Variants in PLCL1 observed in about 807,000 individuals in gnomAD.
PLCL1 encodes the protein inactive phospholipase C-like protein 1.
PLCL1 carries 41 observed loss-of-function variants against 84.4 expected under a neutral mutation model. That is an observed-to-expected ratio of 0.49 (90% confidence interval 0.38 to 0.63). The LOEUF (loss-of-function observed/expected upper bound fraction) is 0.63, where lower values mean the gene tolerates loss of function less well. Among genes scored for constraint, PLCL1 ranks in the 30% least tolerant of loss-of-function variants. PLCL1 has a pLI of 0.00. For missense variants in PLCL1, 1,206 were observed against 1,367.8 expected (o/e 0.88, Z 1.87); for synonymous variants, 490 against 488.3 (o/e 1.00, Z -0.05).
intron 1 of PLCL1, among the ~76,000 whole-genome samples, chr2:197,895,877 C>G (rs1425189534): frequency 1.3e-5 from 2 of 151,942 alleles, no homozygotes; most frequent in Non-Finnish European, 2.9e-5. Context: ...CTTATTGGAA[C>G]CATACCCTGC....
chr2:197,983,195 C>CTTTTCTTT (rs1690149788), intron 1 of PLCL1, among the ~76,000 whole-genome samples: 3 of 51,698 alleles, frequency 5.8e-5, no homozygotes, highest in Admixed American at 2.1e-4. Flanking sequence ...TTTTTCTTTT[C>CTTTTCTTT]TTTTCTTTTT....
intron 5 of PLCL1, among the ~76,000 whole-genome samples, chr2:198,120,075 T>C (rs931737663): frequency 6.6e-6 from 1 of 152,034 alleles, no homozygotes; most frequent in African/African-American, 2.4e-5. Context: ...AAGATGGGCG[T>C]TTCTGCAGTT....
intron 1 of PLCL1, among the ~76,000 whole-genome samples, chr2:198,031,659 C>CTT (rs5837577): frequency 9.6e-5 from 10 of 103,826 alleles, no homozygotes; most frequent in East Asian, 2.8e-4. Context: ...ATGGCCAGTG[C>CTT]TTTTTTTTTT....
At chr2:197,891,620 G>A (rs1036548331) in intron 1 of PLCL1, among the ~76,000 whole-genome samples, 13 of 148,668 alleles carry the variant, frequency 8.7e-5, no homozygotes, top group Non-Finnish European at 1.9e-4. Context: ...GGTTTTGAAT[G>A]TCATGATTAG....
intron 1 of PLCL1, among the ~76,000 whole-genome samples, chr2:197,987,999 A>G (rs1290021926): frequency 6.6e-6 from 1 of 152,148 alleles, no homozygotes; most frequent in Non-Finnish European, 1.5e-5. Flanking sequence ...CTCATGTTAG[A>G]TAATAGCACA....
chr2:197,856,485 A>G (rs1687332393), intron 1 of PLCL1, among the ~76,000 whole-genome samples: 1 of 152,228 alleles, frequency 6.6e-6, no homozygotes, highest in Non-Finnish European at 1.5e-5. Flanking sequence ...TGAACTTGAA[A>G]AAAATCAGAA....
chr2:197,873,613 A>G (rs1052138125), intron 1 of PLCL1, among the ~76,000 whole-genome samples: 2 of 152,140 alleles, frequency 1.3e-5, no homozygotes, highest in African/African-American at 2.4e-5. Flanking sequence ...GGGACTCATG[A>G]GTCACAACGC....
At chr2:197,989,389 CTT>C (rs1248421298) in intron 1 of PLCL1, among the ~76,000 whole-genome samples, 8 of 152,066 alleles carry the variant, frequency 5.3e-5, no homozygotes. Flanking sequence ...CCTAGCTTGA[CTT>C]TCTGAGGGAT....
intron 1 of PLCL1, among the ~76,000 whole-genome samples, chr2:198,075,643 T>C (rs1319387322): frequency 6.6e-6 from 1 of 152,258 alleles, no homozygotes; most frequent in Non-Finnish European, 1.5e-5. Flanking sequence ...TTCTGTTTAA[T>C]AGGCCTCATC....
intron 1 of PLCL1, among the ~76,000 whole-genome samples, chr2:197,898,946 T>A (rs1481003698): frequency 2.0e-5 from 3 of 152,178 alleles, no homozygotes; most frequent in Non-Finnish European, 4.4e-5. Flanking sequence ...ACAATATTAC[T>A]GGTTTTCTTA....
intron 1 of PLCL1, among the ~76,000 whole-genome samples, chr2:197,937,798 T>TAGGGA (rs1450955219): frequency 2.6e-5 from 4 of 152,192 alleles, no homozygotes; most frequent in Admixed American, 2.6e-4. Flanking sequence ...TAAAAGAACT[T>TAGGGA]ACGGTCCATT....
Position 198,023,199 on chromosome 2 carries a change from C to T in PLCL1, c.241-60559C>T, listed in dbSNP as rs542331511. ...GTTGGGAAAACTGGCTAGCCATATG[C>T]AGAAAACTGAAACTGGACCTCTTCC... is the stretch of plus-strand genomic sequence containing the variant. On this transcript the variant is annotated intron_variant, in intron 1 of 5. Coordinates refer to ENST00000428675, the MANE Select transcript of PLCL1 (RefSeq NM_006226.4). Among the ~76,000 whole-genome samples, 13 of 152,234 alleles carry T rather than the reference C, an allele frequency of 8.5e-5. 1 individual carries two copies. The highest frequency in any genetic ancestry group is 2.2e-4 in the African/African-American group (9 of 41,542).
chr2:198,003,194 A>G (rs1690646523), intron 1 of PLCL1, among the ~76,000 whole-genome samples: 1 of 152,212 alleles, frequency 6.6e-6, no homozygotes, highest in Admixed American at 6.6e-5. Flanking sequence ...TTTAAATAAT[A>G]GACATAATTC....
rs918253693 is a variant in PLCL1 at position 197,979,575 on chromosome 2, C to T, written c.241-104183C>T. ...TCTGGTGGGGCCACTTCTCTGCTTA[C>T]GCACATTTTCTGATTTCCTATTGCT... On this transcript the variant is annotated intron_variant, in intron 1 of 5. Transcript: ENST00000428675. 6.6e-5 allele frequency among the ~76,000 whole-genome samples: 10 copies of T among 152,192 alleles called. 1 individual carries two copies. Among genetic ancestry groups the T allele is most frequent in the South Asian group, 4.1e-4 (2 of 4,832 alleles).
chr2:197,862,049 C>T (rs2164327), intron 1 of PLCL1, among the ~76,000 whole-genome samples: 29,793 of 151,966 alleles, frequency 0.2, 2,989 homozygotes, highest in East Asian at 0.27. Flanking sequence ...AGCATTTTCC[C>T]CTTTAAGTGA....
intron 4 of PLCL1, among the ~76,000 whole-genome samples, chr2:198,103,087 G>T (rs1473201996): frequency 1.3e-5 from 2 of 151,968 alleles, no homozygotes; most frequent in African/African-American, 2.4e-5. Context: ...ATTACTCATT[G>T]TTATCTATGT....
intron 5 of PLCL1, among the ~76,000 whole-genome samples, chr2:198,130,517 T>C (rs1056199562): frequency 2.0e-5 from 3 of 152,042 alleles, no homozygotes; most frequent in Non-Finnish European, 4.4e-5. Flanking sequence ...CATCCTCCCA[T>C]ATAGTTTATA....
chr2:197,871,412 C>T lies in PLCL1; in HGVS notation c.240+66073C>T, dbSNP rs372008169. Among the ~76,000 whole-genome samples, 139 of 152,190 alleles carry T rather than the reference C, an allele frequency of 9.1e-4. 1 individual carries two copies. Among genetic ancestry groups the T allele is most frequent in the Non-Finnish European group, 1.3e-3 (89 of 67,996 alleles). ...AGGCAGAAGTTCTCAAGTGTTGAAA[C>T]GCCTGAGGTTCTTGGTAAAATGCAG... On this transcript the variant is annotated intron_variant, in intron 1 of 5. Coordinates refer to ENST00000428675, the MANE Select transcript of PLCL1 (RefSeq NM_006226.4).
At chr2:197,882,075 C>G (rs1372783181) in intron 1 of PLCL1, among the ~76,000 whole-genome samples, 1 of 152,092 alleles carries the variant, frequency 6.6e-6, no homozygotes, top group Non-Finnish European at 1.5e-5. Flanking sequence ...GCACCTCACC[C>G]CCCACCCCAA....
Sources: gnomAD v4.1 joint callset for allele counts (sites outside exome capture counted in the v4.1 genomes callset) on GRCh38, gnomAD v4.1.1 for gene constraint, MANE v1.5 for transcripts, NCBI Gene and HGNC (gene_info 2026-07-23, HGNC 2026-07-21) for gene names.